Variants in MMP27 observed in about 807,000 individuals in gnomAD.
MMP27 encodes matrix metallopeptidase 27, also known as matrix metalloproteinase-27.
In MMP27, 51 loss-of-function variants were observed where a neutral mutation model predicts 48.1. The ratio of observed to expected loss-of-function variants is 1.06; its 90% CI spans 0.85 to 1.34. The LOEUF is 1.34. MMP27 is among the 40% of genes most tolerant of loss of function. The probability of loss-of-function intolerance (pLI) is 0.00; values close to 1 mark genes in which losing one functional copy is unlikely to be tolerated. For missense variants in MMP27, 698 were observed against 619.3 expected (o/e 1.13, Z -1.35); for synonymous variants, 229 against 208.9 (o/e 1.10, Z -0.83).
chr11:102,702,549 A>G (rs552707633), intron 4 of MMP27, among the ~76,000 whole-genome samples: 1 of 152,358 alleles, frequency 6.6e-6, no homozygotes, highest in African/African-American at 2.4e-5. Context: ...ATGAATGTAT[A>G]AATAATGAAG....
chr11:102,701,602 T>A (rs1266047773), intron 4 of MMP27, among the ~76,000 whole-genome samples: 1 of 152,198 alleles, frequency 6.6e-6, no homozygotes, highest in Non-Finnish European at 1.5e-5. Flanking sequence ...GTTCATTCCT[T>A]TCCTCTCTTG....
chr11:102,695,155 T>C (rs1316213437), intron 6 of MMP27, 58 bp from the exon 7 acceptor site: 8 of 1,577,948 alleles, frequency 5.1e-6, no homozygotes, highest in Non-Finnish European at 6.1e-6. Flanking sequence ...AATGAGAATT[T>C]TGTAATCTTA....
chr11:102,705,290 T>C (rs958506948), intron 1 of MMP27, among the ~76,000 whole-genome samples: 1 of 152,184 alleles, frequency 6.6e-6, no homozygotes, highest in African/African-American at 2.4e-5. Context: ...AAATTGTAGA[T>C]TGGGTCCTCC....
chr11:102,704,854 T>A, intron 1 of MMP27, 79 bp from the exon 2 acceptor site: 2 of 870,104 alleles, frequency 2.3e-6, no homozygotes, highest in South Asian at 1.8e-5. Context: ...TAAAGCAAAA[T>A]TGCCTAAAAT....
chr11:102,692,964 C>T lies in MMP27; in HGVS notation c.1271G>A (p.Arg424His), dbSNP rs775876464. 3.0e-5 allele frequency: 48 copies of T among 1,613,538 alleles called. No homozygotes were observed. The highest frequency in any genetic ancestry group is 1.2e-4 in the South Asian group (11 of 91,066). Residue 424 changes from arginine (R) to histidine (H), a missense_variant, in exon 9 of 10, where the codon CGT becomes CAT. Physicochemically the swap from Arg to His is conservative, Grantham distance 29. Coordinates refer to ENST00000260229, the MANE Select transcript of MMP27 (RefSeq NM_022122.3). ...VVKHFPGISI[R>H]VDAAFQYKGF... is the part of the protein sequence containing the mutation. ...TTTGTACTGGAAAGCAGCATCAACA[C>T]GGATACTGATTCCAGGAAAGTGTTT...
chr11:102,699,833 C>T (rs938246395), intron 4 of MMP27, among the ~76,000 whole-genome samples: 2 of 152,214 alleles, frequency 1.3e-5, no homozygotes, highest in Non-Finnish European at 2.9e-5. Flanking sequence ...TTAGCCTTGT[C>T]TTCTACAATT....
At chr11:102,695,485 C>T (rs189861089) in intron 6 of MMP27, among the ~76,000 whole-genome samples, 14 of 152,268 alleles carry the variant, frequency 9.2e-5, no homozygotes, top group Admixed American at 4.6e-4. Flanking sequence ...CACTGACATG[C>T]GAAAATACTT....
chr11:102,698,396 G>A (rs905093787), intron 4 of MMP27, among the ~76,000 whole-genome samples: 1 of 151,818 alleles, frequency 6.6e-6, no homozygotes, highest in African/African-American at 2.4e-5. Flanking sequence ...ACTTTAATTG[G>A]TACTAGTCAC....
Position 102,696,474 on chromosome 11 carries a change from G to T in MMP27, c.799C>A (p.Pro267Thr), listed in dbSNP as rs771350918. Reference sequence around the variant, plus strand: ...ATAGTGGGTTCCTTTGGCTTAGCAGGTTCCTTAGGCAGACCTCCTTTGATG... The same window carrying T: ...ATAGTGGGTTCCTTTGGCTTAGCAGTTTCCTTAGGCAGACCTCCTTTGATG... ...QSIYGGLPKE[P>T]AKPKEPTIPH... Residue 267 changes from proline (P) to threonine (T), a missense_variant, in exon 6 of 10, where the codon CCT becomes ACT. Physicochemically the swap from Pro to Thr is conservative, Grantham distance 38 (BLOSUM62 -1). Coordinates refer to ENST00000260229, the MANE Select transcript of MMP27 (RefSeq NM_022122.3). 9 of 1,613,586 alleles carry T rather than the reference G, an allele frequency of 5.6e-6. No individual in the cohort carries two copies. The highest frequency in any genetic ancestry group is 1.7e-5 in the Admixed American group (1 of 59,910).
At chr11:102,705,038 C>A (rs1861021256) in intron 1 of MMP27, among the ~76,000 whole-genome samples, 1 of 152,206 alleles carries the variant, frequency 6.6e-6, no homozygotes, top group Non-Finnish European at 1.5e-5. Flanking sequence ...GCACGCAGCT[C>A]TTAAACCTCC....
intron 4 of MMP27, 89 bp downstream of exon 4, chr11:102,702,664 A>G: frequency 7.0e-7 from 1 of 1,430,718 alleles, no homozygotes; most frequent in Admixed American, 2.3e-5. Flanking sequence ...TGGGAACTTT[A>G]CAGTTAAAAA....
chr11:102,699,086 C>T (rs987895830), intron 4 of MMP27, among the ~76,000 whole-genome samples: 4 of 152,172 alleles, frequency 2.6e-5, no homozygotes, highest in Admixed American at 2.6e-4. Flanking sequence ...CCATAGTGCC[C>T]TTTCCAGAAG....
intron 2 of MMP27, among the ~76,000 whole-genome samples, 177 bp from the exon 3 acceptor site, chr11:102,703,295 T>C (rs1860981312): frequency 6.6e-6 from 1 of 152,192 alleles, no homozygotes; most frequent in African/African-American, 2.4e-5. Context: ...ACATATACTA[T>C]AGAATTAAAT....
Position 102,696,510 on chromosome 11 carries a change from T to A in MMP27, c.782-19A>T. On this transcript the variant is annotated intron_variant, in intron 5 of 9. Transcript: ENST00000260229. ...AGACCTCCTTTGATGAGAAAAAAAATACCACAATGAATTAAGAGGGCATGA... is the reference window on the plus strand; with the variant it reads ...AGACCTCCTTTGATGAGAAAAAAAAAACCACAATGAATTAAGAGGGCATGA... 6.2e-7 allele frequency: 1 copy of A among 1,611,778 alleles called. No individual in the cohort carries two copies. Among genetic ancestry groups the A allele is most frequent in the African/African-American group, 1.3e-5 (1 of 74,856 alleles).
At chr11:102,704,887 G>A (rs2846363) in intron 1 of MMP27, 112 bp from the exon 2 acceptor site, 567,200 of 616,280 alleles carry the variant, frequency 0.92, 261,250 homozygotes, top group East Asian at 1. Context: ...TAGGAAAGGG[G>A]AAAAAAAAGA....
intron 4 of MMP27, 80 bp downstream of exon 4, chr11:102,702,673 A>C: frequency 4.1e-6 from 6 of 1,478,142 alleles, no homozygotes; most frequent in South Asian, 1.4e-5. Flanking sequence ...TACAGTTAAA[A>C]AGCAGCTAGT....
intron 8 of MMP27, 113 bp from the exon 9 acceptor site, chr11:102,693,154 G>A: frequency 1.5e-6 from 1 of 674,604 alleles, no homozygotes; most frequent in Non-Finnish European, 2.6e-6. Context: ...AGGCATAGTA[G>A]AGGAAAACTA....
At chr11:102,693,714 G>A (rs906127790) in intron 8 of MMP27, among the ~76,000 whole-genome samples, 192 bp downstream of exon 8, 10 of 152,012 alleles carry the variant, frequency 6.6e-5, no homozygotes, top group African/African-American at 2.4e-4. Flanking sequence ...GAAAGCAGGA[G>A]GTCGAGGCTG....
At chr11:102,694,789 T>A (rs1158716722) in intron 7 of MMP27, among the ~76,000 whole-genome samples, 178 bp downstream of exon 7, 3 of 152,228 alleles carry the variant, frequency 2.0e-5, no homozygotes, top group African/African-American at 7.2e-5. Flanking sequence ...GGATTGTGTT[T>A]ATCTTCACAG....
Sources: allele counts gnomAD v4.1 joint callset (sites outside exome capture counted in the v4.1 genomes callset), GRCh38; gene constraint gnomAD v4.1.1; transcripts MANE v1.5; gene names NCBI Gene and HGNC (gene_info 2026-07-23, HGNC 2026-07-21).